Variants in TXLNG observed in about 807,000 individuals in gnomAD.
The protein encoded by TXLNG is gamma-taxilin.
Under a neutral mutation model 38.8 loss-of-function variants are expected in TXLNG, and 5 were observed. The ratio of observed to expected loss-of-function variants is 0.13; its 90% CI spans 0.07 to 0.27. TXLNG has a LOEUF of 0.27. Among genes scored for constraint, TXLNG ranks in the 10% least tolerant of loss-of-function variants. TXLNG has a pLI of 1.00. For missense variants in TXLNG, 393 were observed against 398.2 expected, an observed-to-expected ratio of 0.99 and a Z score of 0.11; for synonymous variants, 182 against 158.2, an observed-to-expected ratio of 1.15 and a Z score of -1.13.
At chrX:16,790,334 C>T (rs1262638324) in intron 1 of TXLNG, among the ~76,000 whole-genome samples, 2 of 111,055 alleles carry the variant, frequency 1.8e-5, no homozygotes, top group African/African-American at 6.5e-5. Context: ...ATCCCTCTCT[C>T]CCTTCCCCTA....
chrX:16,796,298 C>T lies in TXLNG; in HGVS notation c.102+9709C>T, dbSNP rs368711921. Among the ~76,000 whole-genome samples, 13 of 111,354 alleles carry T rather than the reference C, an allele frequency of 1.2e-4. No homozygotes were observed. In the East Asian group the frequency reaches 1.7e-3, roughly 15 times the overall value. ...GATTACAGGCATGAGCCACTGTGCC[C>T]GGCCGCACTTGTTTATTTTTAACAT... is the stretch of plus-strand genomic sequence containing the variant. On this transcript the variant is annotated intron_variant, in intron 1 of 9. Transcript: ENST00000380122.
chrX:16,805,031 GC>G (rs1928285724), intron 1 of TXLNG, among the ~76,000 whole-genome samples: 2 of 79,643 alleles, frequency 2.5e-5, no homozygotes, highest in East Asian at 3.9e-4. Flanking sequence ...TGGCTGTGTT[GC>G]CCAGGCTAGA....
chrX:16,812,691 CTTTTTTTTTTTT>C (rs55974932), intron 1 of TXLNG, among the ~76,000 whole-genome samples: 4 of 39,461 alleles, frequency 1.0e-4, no homozygotes, highest in African/African-American at 1.4e-4. Context: ...TGCGGCCAGC[CTTTTTTTTTTTT>C]TTTTTTTTTT....
chrX:16,825,868 C>G (rs1331159632), intron 3 of TXLNG, among the ~76,000 whole-genome samples: 2 of 112,158 alleles, frequency 1.8e-5, no homozygotes, highest in Non-Finnish European at 3.8e-5. Context: ...CTGCTAAGTC[C>G]TGATCTGCAG....
In TXLNG at chrX:16,818,855, C is replaced by T. The variant is rs768784135; in HGVS notation, c.384C>T (p.Asn128=). Residue 128 remains asparagine (N), a synonymous_variant, in exon 2 of 10, where the codon AAC becomes AAT. Transcript: ENST00000380122. ...ATGGTCAGCAAGATTCAGAGTGCAA[C>T]AGGAACAAAGAAAAAACTTTAGGTA... ...PPDGQQDSEC[N]RNKEKTLGKE... 5 of 1,201,602 alleles carry T rather than the reference C, an allele frequency of 4.2e-6. No individual in the cohort carries two copies. Among genetic ancestry groups the T allele is most frequent in the Non-Finnish European group, 3.4e-6 (3 of 891,401 alleles).
chrX:16,798,416 A>G (rs1927963127), intron 1 of TXLNG, among the ~76,000 whole-genome samples: 1 of 111,365 alleles, frequency 9.0e-6, no homozygotes, highest in African/African-American at 3.3e-5. Flanking sequence ...CTTTCTTCGT[A>G]TATTTTGGAG....
At chrX:16,790,410 C>A in intron 1 of TXLNG, among the ~76,000 whole-genome samples, 1 of 110,104 alleles carries the variant, frequency 9.1e-6, no homozygotes, top group Non-Finnish European at 1.9e-5. Flanking sequence ...CTATGTTGCC[C>A]AGGCTGGTCT....
chrX:16,821,250 C>T (rs967611637), intron 3 of TXLNG, among the ~76,000 whole-genome samples: 8 of 104,836 alleles, frequency 7.6e-5, no homozygotes, highest in African/African-American at 2.8e-4. Context: ...AAGCTATTCT[C>T]CTGCCTCAGC....
At chrX:16,800,220 G>A (rs938912557) in intron 1 of TXLNG, among the ~76,000 whole-genome samples, 3 of 111,606 alleles carry the variant, frequency 2.7e-5, no homozygotes, top group Non-Finnish European at 5.7e-5. Context: ...GATTACAGGC[G>A]TGAGCCACTA....
intron 1 of TXLNG, among the ~76,000 whole-genome samples, chrX:16,802,747 G>C (rs1051748092): frequency 4.5e-4 from 50 of 110,267 alleles, no homozygotes; most frequent in African/African-American, 1.5e-3. Context: ...AAAAATAAAA[G>C]TAATACATTC....
intron 2 of TXLNG, among the ~76,000 whole-genome samples, chrX:16,819,505 T>C (rs1405050256): frequency 2.7e-5 from 3 of 110,946 alleles, no homozygotes; most frequent in African/African-American, 9.9e-5. Flanking sequence ...GCTTAAGAAA[T>C]AAAAGATTAC....
chrX:16,818,768 A>G lies in TXLNG; in HGVS notation c.297A>G (p.Ala99=). 1 of 1,212,320 alleles carries G rather than the reference A, an allele frequency of 8.2e-7. No homozygotes were observed. The highest frequency in any genetic ancestry group is 1.8e-5 in the South Asian group (1 of 57,036). Residue 99 remains alanine (A), a synonymous_variant, in exon 2 of 10, where the codon GCA becomes GCG. Coordinates refer to ENST00000380122, the MANE Select transcript of TXLNG (RefSeq NM_018360.3). ...ITENRNLVSP[A]YCTQESREEI... Reference sequence around the variant, plus strand: ...AGAACAGGAATTTGGTGAGCCCAGCATACTGCACGCAAGAATCAAGAGAGG... The same window carrying G: ...AGAACAGGAATTTGGTGAGCCCAGCGTACTGCACGCAAGAATCAAGAGAGG...
chrX:16,804,970 C>CG (rs1928269069), intron 1 of TXLNG, among the ~76,000 whole-genome samples: 3 of 3,490 alleles, frequency 8.6e-4, no homozygotes, highest in African/African-American at 2.4e-3. Flanking sequence ...CACCACTGCC[C>CG]ACCCCCCCCC....
Position 16,839,881 on chromosome X carries a change from A to G in TXLNG, c.1213A>G (p.Asn405Asp). 1.7e-6 allele frequency: 2 copies of G among 1,204,636 alleles called. No homozygotes were observed. Among genetic ancestry groups the G allele is most frequent in the Non-Finnish European group, 2.2e-6 (2 of 891,880 alleles). ...ETIIWRTKWE[N>D]NNKALLQMAE... The stretch of plus-strand genomic sequence containing the variant: ...AATAATTTGGCGTACCAAATGGGAA[A>G]ACAATAATAAAGCACTTCTGCAAAT... The change falls in exon 9 of 10, where the codon AAC (asparagine) becomes GAC (aspartate). Residue 405 changes from asparagine to aspartate, a missense_variant. Asn to Asp is a conservative substitution (Grantham distance 23, BLOSUM62 1). Coordinates refer to ENST00000380122, the MANE Select transcript of TXLNG (RefSeq NM_018360.3).
chrX:16,832,634 G>A lies in TXLNG; in HGVS notation c.876G>A (p.Lys292=). The part of the protein sequence containing the change: ...QYALREEHID[K]VFKHKELQQQ... Reference sequence around the variant, plus strand: ...TCCTTTTCCCATAGCACATTGATAAGGTGTTCAAACATAAGGAACTGCAAC... The same window carrying A: ...TCCTTTTCCCATAGCACATTGATAAAGTGTTCAAACATAAGGAACTGCAAC... The change falls in exon 6 of 10, where the codon AAG becomes AAA. Residue 292 remains lysine (K), a synonymous_variant. Transcript: ENST00000380122. The A allele has an allele frequency of 8.3e-7, 1 of 1,211,254 alleles. No homozygotes were observed. The highest frequency in any genetic ancestry group is 1.1e-6 in the Non-Finnish European group (1 of 895,325).
At chrX:16,824,982 A>G (rs1929118965) in intron 3 of TXLNG, among the ~76,000 whole-genome samples, 1 of 111,205 alleles carries the variant, frequency 9.0e-6, no homozygotes, top group Non-Finnish European at 1.9e-5. Context: ...ATTTCCAACA[A>G]ATATAACCAG....
intron 5 of TXLNG, 37 bp downstream of exon 5, chrX:16,829,807 A>T: frequency 8.5e-7 from 1 of 1,171,927 alleles, no homozygotes; most frequent in Non-Finnish European, 1.2e-6. Flanking sequence ...GCTTCTCAAG[A>T]TTAGCAAAAG....
At chrX:16,790,867 A>G (rs1357651463) in intron 1 of TXLNG, among the ~76,000 whole-genome samples, 2 of 111,349 alleles carry the variant, frequency 1.8e-5, no homozygotes, top group Non-Finnish European at 3.8e-5. Context: ...GGAACCCAAT[A>G]CTCTTTCATC....
chrX:16,833,317 T>G (rs986115698), intron 6 of TXLNG, among the ~76,000 whole-genome samples: 1 of 112,465 alleles, frequency 8.9e-6, no homozygotes, highest in Non-Finnish European at 1.9e-5. Flanking sequence ...TGCCTGTCAG[T>G]AATTGTGAAT....
Sources: gnomAD v4.1 joint callset for allele counts (sites outside exome capture counted in the v4.1 genomes callset) on GRCh38, gnomAD v4.1.1 for gene constraint, MANE v1.5 for transcripts, NCBI Gene and HGNC (gene_info 2026-07-23, HGNC 2026-07-21) for gene names.